Variants in TGFB2 observed in about 807,000 individuals in gnomAD.
TGFB2 encodes the protein transforming growth factor beta 2, also known as transforming growth factor beta-2 proprotein.
A neutral mutation model predicts 42.7 loss-of-function variants in TGFB2; 13 were observed. The ratio of observed to expected loss-of-function variants is 0.30; its 90% CI spans 0.20 to 0.48. The LOEUF (loss-of-function observed/expected upper bound fraction) is 0.48, where lower values mean the gene tolerates loss of function less well. Ranked by LOEUF, TGFB2 falls within the 20% of genes least tolerant of loss-of-function variation. The probability of loss-of-function intolerance (pLI) is 0.99; values close to 1 mark genes in which losing one functional copy is unlikely to be tolerated. For synonymous variants in TGFB2, 193 were observed against 193.6 expected (o/e 1.00, Z 0.03); for missense variants, 390 against 517.5 (o/e 0.75, Z 2.39).
chr1:218,392,289 C>T (rs968409269), intron 1 of TGFB2, among the ~76,000 whole-genome samples: 3 of 152,082 alleles, frequency 2.0e-5, no homozygotes, highest in Admixed American at 2.0e-4. Context: ...GGAGGCGGAG[C>T]TTGCAGTGAG....
rs1241255536 is a variant in TGFB2, at chr1:218,437,343, A to C, written c.933A>C (p.Arg311Ser). The change falls in exon 6 of 7, where the codon AGA becomes AGC. Residue 311 changes from arginine to serine, a missense_variant and splice_region_variant. Arg to Ser is a moderately radical substitution (Grantham distance 110, BLOSUM62 -1). Coordinates refer to ENST00000366930, the MANE Select transcript of TGFB2 (RefSeq NM_003238.6). The part of the protein sequence containing the change: ...KRALDAAYCF[R>S]NVQDNCCLRP... The stretch of plus-strand genomic sequence containing the variant: ...TGCTTTTTTTTTTTTTTTTTAACAG[A>C]AATGTGCAGGATAATTGCTGCCTAC... 1 of 1,570,046 alleles carries C rather than the reference A, an allele frequency of 6.4e-7. No homozygotes were observed. Among genetic ancestry groups the C allele is most frequent in the Admixed American group, 2.0e-5 (1 of 50,628 alleles).
chr1:218,349,669 T>C (rs1656806574), intron 1 of TGFB2, among the ~76,000 whole-genome samples: 1 of 152,260 alleles, frequency 6.6e-6, no homozygotes, highest in African/African-American at 2.4e-5. Context: ...AGATTGCTGA[T>C]AGCCCTTTGT....
At chr1:218,399,961 T>C (rs563138670) in intron 1 of TGFB2, among the ~76,000 whole-genome samples, 5 of 152,218 alleles carry the variant, frequency 3.3e-5, no homozygotes, top group African/African-American at 1.2e-4. Context: ...ACCCAATACA[T>C]ATGAGGTAGA....
chr1:218,403,640 C>T (rs1167526456), intron 1 of TGFB2, among the ~76,000 whole-genome samples: 1 of 152,052 alleles, frequency 6.6e-6, no homozygotes, highest in Non-Finnish European at 1.5e-5. Flanking sequence ...TTTGGTGAAC[C>T]CTGTCCAGAT....
chr1:218,345,574 C>T lies in TGFB2; in HGVS notation c.-1128C>T, dbSNP rs1466836067. ...GCAGACAGGAGGAGACAGAGAGGAT[C>T]TATTTTAGGGTGGCAAGTGCCTACC... On this transcript the variant is annotated 5_prime_UTR_variant, in exon 1 of 7. Transcript: ENST00000366930. 2.6e-5 allele frequency: 4 copies of T among 152,972 alleles called. No homozygotes were observed. 9.5% of individuals were successfully genotyped at this position (152,972 alleles called of 1,614,324 possible). A position where few individuals can be genotyped will look rare whatever the true frequency, so the allele number is the denominator to read the frequency against.
rs535773163 is a variant in TGFB2, at chr1:218,399,771, A to C, written c.347-5398A>C. Among the ~76,000 whole-genome samples, 82 of 151,818 alleles carry C rather than the reference A, an allele frequency of 5.4e-4. 1 individual carries two copies. The highest frequency in any genetic ancestry group is 1.9e-3 in the African/African-American group (79 of 41,356). ...CTCCTGTTCTTTCTCTCCTCTTCTA[A>C]TTTGGTCTGTCAGGCTATCAGAGCA... On this transcript the variant is annotated intron_variant, in intron 1 of 6. Transcript: ENST00000366930.
chr1:218,410,958 A>G lies in TGFB2; in HGVS notation c.510+5626A>G, dbSNP rs17047808. 3.0e-3 allele frequency among the ~76,000 whole-genome samples: 451 copies of G among 152,328 alleles called. 8 individuals are homozygous for G. The East Asian group carries it at 0.047, about 16-fold the overall frequency. On this transcript the variant is annotated intron_variant, in intron 2 of 6. Coordinates refer to ENST00000366930, the MANE Select transcript of TGFB2 (RefSeq NM_003238.6). ...CTGTCTTGGAGTTGGATAAATCCCC[A>G]TTTTACACATGAAGAAATGCTTGGG...
At chr1:218,388,892 T>C (rs565501099) in intron 1 of TGFB2, among the ~76,000 whole-genome samples, 1 of 152,344 alleles carries the variant, frequency 6.6e-6, no homozygotes, top group Admixed American at 6.5e-5. Flanking sequence ...TGGAATATGA[T>C]GGCGGTCTCA....
rs10482811 is a variant in TGFB2, at chr1:218,434,506, A to G, written c.754+58A>G. ...GGGAAGGGTCTATATTGATAATCTC[A>G]TGGGGGATAAAATCAGTTTGCATGT... is the stretch of plus-strand genomic sequence containing the variant. On this transcript the variant is annotated intron_variant, in intron 4 of 6. Transcript: ENST00000366930. The G allele has an allele frequency of 2.4e-3, 2,544 of 1,075,034 alleles. 47 individuals carry two copies. The African/African-American group carries it at 0.034, about 14-fold the overall frequency. 66.6% of individuals were successfully genotyped at this position (1,075,034 alleles called of 1,614,324 possible).
At chr1:218,348,172 G>A (rs542198946) in intron 1 of TGFB2, among the ~76,000 whole-genome samples, 4 of 152,078 alleles carry the variant, frequency 2.6e-5, no homozygotes, top group Admixed American at 6.5e-5. Context: ...GTGGGGGCGG[G>A]GTGGGGGGAA....
At chr1:218,428,640 G>A (rs1327726954) in intron 2 of TGFB2, among the ~76,000 whole-genome samples, 1 of 152,144 alleles carries the variant, frequency 6.6e-6, no homozygotes, top group East Asian at 1.9e-4. Flanking sequence ...AAGATCAGAT[G>A]GTCGTAGATG....
chr1:218,431,973 T>C (rs1468059417), intron 2 of TGFB2, among the ~76,000 whole-genome samples: 1 of 152,244 alleles, frequency 6.6e-6, no homozygotes, highest in African/African-American at 2.4e-5. Flanking sequence ...TCATTGTGTA[T>C]ACGTTCCACT....
At chr1:218,405,083 G>T in intron 1 of TGFB2, 86 bp from the exon 2 acceptor site, 1 of 1,413,638 alleles carries the variant, frequency 7.1e-7, no homozygotes, top group Non-Finnish European at 9.6e-7. Context: ...TTCCCTTATG[G>T]TTTCTTGGGA....
At chr1:218,426,707 T>TA (rs1306978070) in intron 2 of TGFB2, among the ~76,000 whole-genome samples, 2 of 152,054 alleles carry the variant, frequency 1.3e-5, no homozygotes, top group African/African-American at 4.8e-5. Flanking sequence ...AGTTAAAGAT[T>TA]AAAAAATCAG....
At chr1:218,415,931 A>G (rs1305333497) in intron 2 of TGFB2, among the ~76,000 whole-genome samples, 2 of 151,968 alleles carry the variant, frequency 1.3e-5, no homozygotes, top group Non-Finnish European at 2.9e-5. Flanking sequence ...CATCTTGAAC[A>G]TGGTTCATAT....
At position 218,436,035 on chromosome 1, in the gene TGFB2, A is replaced by G; in HGVS notation, c.820A>G (p.Asn274Asp). The G allele has an allele frequency of 6.2e-7, 1 of 1,614,188 alleles. No individual in the cohort carries two copies. The highest frequency in any genetic ancestry group is 8.5e-7 in the Non-Finnish European group (1 of 1,179,992). ...QKTIKSTRKK[N>D]SGKTPHLLLM... is the part of the protein sequence containing the mutation. ...AACTATAAAGTCCACTAGGAAAAAA[A>G]ACAGTGGGAAGACCCCACATCTCCT... Residue 274 changes from asparagine to aspartate, a missense_variant, in exon 5 of 7, where the codon AAC becomes GAC. Physicochemically the swap from Asn to Asp is conservative, Grantham distance 23. Transcript: ENST00000366930.
chr1:218,347,063 G>T lies in TGFB2; in HGVS notation c.346+16G>T. On this transcript the variant is annotated intron_variant, in intron 1 of 6. Transcript: ENST00000366930. ...CCCTCCGAAAGTAAGTACTTATTTT[G>T]ACTTCCATCCCCTGAGGTTTAGCTC... 2 of 1,554,918 alleles carry T rather than the reference G, an allele frequency of 1.3e-6. No individual in the cohort carries two copies. The highest frequency in any genetic ancestry group is 2.4e-5 in the South Asian group (2 of 84,684).
At chr1:218,411,766 G>A (rs977513557) in intron 2 of TGFB2, among the ~76,000 whole-genome samples, 1 of 151,776 alleles carries the variant, frequency 6.6e-6, no homozygotes, top group Admixed American at 6.6e-5. Flanking sequence ...TCAGGAGGCT[G>A]AGGCAGGAGA....
chr1:218,351,572 C>T (rs1274050673), intron 1 of TGFB2, among the ~76,000 whole-genome samples: 4 of 152,074 alleles, frequency 2.6e-5, no homozygotes, highest in Non-Finnish European at 5.9e-5. Context: ...CTATTTATAA[C>T]GAAAGCAGTT....
Sources: allele counts gnomAD v4.1 joint callset (sites outside exome capture counted in the v4.1 genomes callset), GRCh38; gene constraint gnomAD v4.1.1; transcripts MANE v1.5; gene names NCBI Gene and HGNC (gene_info 2026-07-23, HGNC 2026-07-21).